USP6NL: variants seen among roughly 807,000 people sequenced by gnomAD.
USP6NL encodes USP6 N-terminal-like protein.
In USP6NL, 26 loss-of-function variants were observed where a neutral mutation model predicts 61.9. The ratio of observed to expected loss-of-function variants is 0.42; its 90% CI spans 0.31 to 0.58. USP6NL has a LOEUF of 0.58. USP6NL is among the 20% of genes least tolerant of loss of function. USP6NL has a pLI of 0.16. For missense variants in USP6NL, 1,114 were observed against 1,034.3 expected (o/e 1.08, Z -1.06); for synonymous variants, 432 against 390.1 (o/e 1.11, Z -1.27).
chr10:11,515,957 C>A (rs764346745), intron 5 of USP6NL, among the ~76,000 whole-genome samples: 6 of 152,124 alleles, frequency 3.9e-5, no homozygotes, highest in Non-Finnish European at 8.8e-5. Flanking sequence ...ATATCCTATA[C>A]ACCATGCAAA....
chr10:11,462,348 A>G lies in USP6NL; in HGVS notation c.*93T>C. The G allele has an allele frequency of 4.3e-6, 6 of 1,394,598 alleles. No homozygotes were observed. Among genetic ancestry groups the G allele is most frequent in the Non-Finnish European group, 4.8e-6 (5 of 1,041,556 alleles). The allele number at this position is 1,394,598 out of a possible 1,614,324, so 86.4% of individuals were successfully genotyped here. A position where few individuals can be genotyped will look rare whatever the true frequency, so the allele number is the denominator to read the frequency against. On this transcript the variant is annotated 3_prime_UTR_variant, in exon 15 of 15. Coordinates refer to ENST00000609104, the MANE Select transcript of USP6NL (RefSeq NM_014688.5). The stretch of plus-strand genomic sequence containing the variant: ...GACAGGAGAGATGTGCGAGTTGTTT[A>G]CAATAGTATAAATACTGCTTTGGCA...
At position 11,518,335 on chromosome 10, in the gene USP6NL, C is replaced by T. The variant is rs1566152341; in HGVS notation, c.195+200G>A. ...GTCTAGAATGAAGTCTGCCAACTAC[C>T]TATCAGAATCTCCTAAAATCTCCTA... On this transcript the variant is annotated intron_variant, in intron 5 of 14. Transcript: ENST00000609104. This position sits in a 1 kb window ranked among gnomAD's most constrained non-coding sequence, Gnocchi z 5.3. Among the ~76,000 whole-genome samples the T allele has an allele frequency of 6.6e-6, 1 of 152,174 alleles. No individual in the cohort carries two copies. The highest frequency in any genetic ancestry group is 1.5e-5 in the Non-Finnish European group (1 of 68,022).
intron 2 of USP6NL, among the ~76,000 whole-genome samples, chr10:11,559,734 T>C (rs138789915): frequency 1.3e-5 from 2 of 152,348 alleles, no homozygotes; most frequent in Admixed American, 6.5e-5. Flanking sequence ...ATCGTGGAGA[T>C]AGATGGCTGC....
intron 2 of USP6NL, among the ~76,000 whole-genome samples, chr10:11,555,415 T>A (rs1591922790): frequency 7.4e-5 from 2 of 26,868 alleles, no homozygotes; most frequent in African/African-American, 3.1e-4. Flanking sequence ...AACTCGGTCT[T>A]AAAAAAAAAA....
At chr10:11,588,849 T>C (rs1175340613) in intron 2 of USP6NL, among the ~76,000 whole-genome samples, 1 of 152,132 alleles carries the variant, frequency 6.6e-6, no homozygotes, top group Non-Finnish European at 1.5e-5. Context: ...TAAGGAATCA[T>C]GTGAGAACCA....
Position 11,460,652 on chromosome 10 carries a change from T to TATATATATAA in USP6NL, c.*1788_*1789insTTATATATAT, listed in dbSNP as rs2096211194. The TATATATATAA allele has an allele frequency of 7.4e-6, 1 of 135,216 alleles. No homozygotes were observed. Among genetic ancestry groups the TATATATATAA allele is most frequent in the South Asian group, 2.3e-4 (1 of 4,440 alleles). 8.4% of individuals were successfully genotyped at this position (135,216 alleles called of 1,614,324 possible). On this transcript the variant is annotated 3_prime_UTR_variant, in exon 15 of 15. Transcript: ENST00000609104. The stretch of plus-strand genomic sequence containing the variant: ...ATATATATATATATATATATATATA[T>TATATATATAA]ATAAAAATCTACAGTATTTACCACT...
rs1454270190 is a variant in USP6NL, at chr10:11,540,501, C to T, written c.5-12934G>A. ...TACTTCATTCACTTAGTTTTAAGAACTTCTTTCCCAGCTCATTCAGAATTG... is the reference window on the plus strand; with the variant it reads ...TACTTCATTCACTTAGTTTTAAGAATTTCTTTCCCAGCTCATTCAGAATTG... On this transcript the variant is annotated intron_variant, in intron 2 of 14. Transcript: ENST00000609104. The surrounding 1 kb of genome is among the most constrained non-coding windows in gnomAD (Gnocchi z 5.0). Among the ~76,000 whole-genome samples the T allele has an allele frequency of 1.3e-5, 2 of 152,184 alleles. No individual in the cohort carries two copies. The highest frequency in any genetic ancestry group is 4.8e-5 in the African/African-American group (2 of 41,454).
chr10:11,536,195 C>T (rs1835825022), intron 2 of USP6NL, among the ~76,000 whole-genome samples: 1 of 152,212 alleles, frequency 6.6e-6, no homozygotes, highest in Non-Finnish European at 1.5e-5. Context: ...CCTGGGAAAG[C>T]CTAAGCCACC....
rs17150574 is a variant in USP6NL at position 11,572,820 on chromosome 10, A to G, written c.4+24811T>C. Among the ~76,000 whole-genome samples, 64 of 152,214 alleles carry G rather than the reference A, an allele frequency of 4.2e-4. 1 individual carries two copies. The South Asian group carries it at 0.011, about 26-fold the overall frequency. On this transcript the variant is annotated intron_variant, in intron 2 of 14. Coordinates refer to ENST00000609104, the MANE Select transcript of USP6NL (RefSeq NM_014688.5). Reference sequence around the variant, plus strand: ...CATAATTTAGTGAAATTGCCAATATAATCAACTGACTTGATGGCCTGTGAT... The same window carrying G: ...CATAATTTAGTGAAATTGCCAATATGATCAACTGACTTGATGGCCTGTGAT...
chr10:11,510,929 G>T lies in USP6NL; in HGVS notation c.196-1254C>A, dbSNP rs1192138966. Reference sequence around the variant, plus strand: ...GGCTCCCATCCTGTCCTCTGCCCTAGTTCAGGCAATCATCATTCCTGGATG... The same window carrying T: ...GGCTCCCATCCTGTCCTCTGCCCTATTTCAGGCAATCATCATTCCTGGATG... On this transcript the variant is annotated intron_variant, in intron 5 of 14. Coordinates refer to ENST00000609104, the MANE Select transcript of USP6NL (RefSeq NM_014688.5). The surrounding 1 kb of genome is among the most constrained non-coding windows in gnomAD (Gnocchi z 4.8). 1.3e-5 allele frequency among the ~76,000 whole-genome samples: 2 copies of T among 152,188 alleles called. No homozygotes were observed. The highest frequency in any genetic ancestry group is 2.9e-5 in the Non-Finnish European group (2 of 68,036).
In USP6NL at chr10:11,476,917, G is replaced by T. The variant is rs1444706311; in HGVS notation, c.1078+4853C>A. On this transcript the variant is annotated intron_variant, in intron 14 of 14. Transcript: ENST00000609104. This position sits in a 1 kb window ranked among gnomAD's most constrained non-coding sequence, Gnocchi z 4.3. Reference sequence around the variant, plus strand: ...GACGGAGTCTTGCTCTGTCACCCAGGCTGAAGTGCAGTGGTGCGATCTTGA... The same window carrying T: ...GACGGAGTCTTGCTCTGTCACCCAGTCTGAAGTGCAGTGGTGCGATCTTGA... 6.6e-6 allele frequency among the ~76,000 whole-genome samples: 1 copy of T among 152,074 alleles called. No individual in the cohort carries two copies. Among genetic ancestry groups the T allele is most frequent in the Non-Finnish European group, 1.5e-5 (1 of 68,010 alleles).
At chr10:11,564,971 T>C (rs1837077926) in intron 2 of USP6NL, 1 of 152,226 alleles carries the variant, frequency 6.6e-6, no homozygotes, top group Admixed American at 6.5e-5. Flanking sequence ...TTGACACTTG[T>C]ACTGCCATTT....
intron 14 of USP6NL, among the ~76,000 whole-genome samples, chr10:11,466,451 G>C (rs542391261): frequency 6.6e-6 from 1 of 152,272 alleles, no homozygotes; most frequent in South Asian, 2.1e-4. Context: ...ACCTGAATTT[G>C]AATCTGCCAC....
chr10:11,544,131 G>A (rs1168791000), intron 2 of USP6NL, among the ~76,000 whole-genome samples: 1 of 151,732 alleles, frequency 6.6e-6, no homozygotes, highest in Non-Finnish European at 1.5e-5. Context: ...GTTTCTTTAC[G>A]GTAGCCCAAC....
intron 2 of USP6NL, among the ~76,000 whole-genome samples, chr10:11,569,511 A>G (rs1837283740): frequency 6.6e-6 from 1 of 152,244 alleles, no homozygotes; most frequent in South Asian, 2.1e-4. Context: ...ATGCTAAGAG[A>G]ATATAAAGAA....
At chr10:11,522,253 G>A (rs1292054119) in intron 4 of USP6NL, among the ~76,000 whole-genome samples, 1 of 152,178 alleles carries the variant, frequency 6.6e-6, no homozygotes, top group Non-Finnish European at 1.5e-5. Context: ...AGGTTGCAAA[G>A]TTATTTTTGC....
chr10:11,492,962 T>C (rs781246707), intron 8 of USP6NL, among the ~76,000 whole-genome samples, 157 bp downstream of exon 8: 23 of 152,352 alleles, frequency 1.5e-4, no homozygotes, highest in South Asian at 6.2e-4. Context: ...TTAAATTAGA[T>C]CTTAAGTTTC....
intron 1 of USP6NL, among the ~76,000 whole-genome samples, chr10:11,606,038 A>G (rs1838697095): frequency 6.6e-6 from 1 of 152,180 alleles, no homozygotes; most frequent in African/African-American, 2.4e-5. Context: ...TCAAACAAGA[A>G]ATGGTGCAAG....
Position 11,476,036 on chromosome 10 carries a change from C to A in USP6NL, c.1078+5734G>T, listed in dbSNP as rs1224431487. 6.6e-6 allele frequency among the ~76,000 whole-genome samples: 1 copy of A among 152,108 alleles called. No individual in the cohort carries two copies. The highest frequency in any genetic ancestry group is 1.5e-5 in the Non-Finnish European group (1 of 68,042). On this transcript the variant is annotated intron_variant, in intron 14 of 14. Coordinates refer to ENST00000609104, the MANE Select transcript of USP6NL (RefSeq NM_014688.5). This position sits in a 1 kb window ranked among gnomAD's most constrained non-coding sequence, Gnocchi z 4.3. ...AGAATAGTGGGACTGTGCTCTTCAGCAGCTCAGTGTCATTCAGAGGAAAAC... is the reference window on the plus strand; with the variant it reads ...AGAATAGTGGGACTGTGCTCTTCAGAAGCTCAGTGTCATTCAGAGGAAAAC...
Sources: gnomAD v4.1 joint callset for allele counts (sites outside exome capture counted in the v4.1 genomes callset) on GRCh38, gnomAD v4.1.1 for gene constraint, Gnocchi (gnomAD v3.1) non-coding constraint, MANE v1.5 for transcripts, NCBI Gene and HGNC (gene_info 2026-07-23, HGNC 2026-07-21) for gene names.